Variants in ARID1A observed in about 807,000 individuals in gnomAD.
The protein encoded by ARID1A is AT-rich interactive domain-containing protein 1A.
Under a neutral mutation model 212.6 loss-of-function variants are expected in ARID1A, and 20 were observed. The ratio of observed to expected loss-of-function variants is 0.09; its 90% CI spans 0.07 to 0.14. The LOEUF (loss-of-function observed/expected upper bound fraction) is 0.14. Among genes scored for constraint, ARID1A ranks in the 10% least tolerant of loss-of-function variants. ARID1A has a pLI of 1.00. For synonymous variants in ARID1A, 1,376 were observed against 1,222.1 expected (o/e 1.13, Z -2.63); for missense variants, 2,587 against 3,059.0 (o/e 0.85, Z 3.64).
At chr1:26,721,274 C>T (rs985561493) in intron 1 of ARID1A, among the ~76,000 whole-genome samples, 4 of 152,064 alleles carry the variant, frequency 2.6e-5, no homozygotes, top group Admixed American at 2.0e-4. Context: ...TGCAGTGGTG[C>T]GATCTCGGCT....
In ARID1A at chr1:26,779,643, G is replaced by T. The variant is rs767902770; in HGVS notation, c.5745G>T (p.Leu1915Phe). The change falls in exon 20 of 20, where the codon TTG becomes TTT. Residue 1915 changes from leucine (L) to phenylalanine (F), a missense_variant. By Grantham distance (22) the Leu-to-Phe change is conservative. Around this residue, in one of 11 missense-constraint regions of ARID1A, gnomAD observed 890 missense variants for 1,098.2 expected, o/e 0.81. Coordinates refer to ENST00000324856, the MANE Select transcript of ARID1A (RefSeq NM_006015.6). ...TCACAGCCACTATGGATGACATGTT[G>T]TCTACTCGGTCTAGCACCTTGACCG... ...KRITATMDDM[L>F]STRSSTLTED... 3.7e-6 allele frequency: 6 copies of T among 1,614,110 alleles called. No individual in the cohort carries two copies. The highest frequency in any genetic ancestry group is 1.3e-5 in the African/African-American group (1 of 74,994).
At chr1:26,752,208 G>A (rs1327973059) in intron 4 of ARID1A, among the ~76,000 whole-genome samples, 2 of 152,158 alleles carry the variant, frequency 1.3e-5, no homozygotes, top group African/African-American at 2.4e-5. Context: ...AATTACCACC[G>A]GGTGTGAAAG....
chr1:26,779,421 G>C lies in ARID1A; in HGVS notation c.5523G>C (p.Leu1841=), dbSNP rs2081169130. The C allele has an allele frequency of 2.5e-6, 4 of 1,614,186 alleles. No homozygotes were observed. The highest frequency in any genetic ancestry group is 3.4e-6 in the Non-Finnish European group (4 of 1,180,046). Reference sequence around the variant, plus strand: ...GTGTGCAGGAGTTTGACAGTGGCCTGCTGCACTGGCGGATTGGTGGGGGGG... The same window carrying C: ...GTGTGCAGGAGTTTGACAGTGGCCTCCTGCACTGGCGGATTGGTGGGGGGG... ...LGRVQEFDSG[L]LHWRIGGGDT... The change falls in exon 20 of 20, where the codon CTG becomes CTC. Residue 1841 remains leucine, a synonymous_variant. Transcript: ENST00000324856.
At chr1:26,759,454 C>T (rs746455131) in intron 4 of ARID1A, among the ~76,000 whole-genome samples, 5 of 152,214 alleles carry the variant, frequency 3.3e-5, no homozygotes, top group Middle Eastern at 3.4e-3. Flanking sequence ...GTGATCTGCC[C>T]GCCTCGGCCT....
chr1:26,761,146 G>GTAATATTA, intron 5 of ARID1A, 50 bp downstream of exon 5: 2 of 1,599,342 alleles, frequency 1.3e-6, no homozygotes, highest in South Asian at 2.2e-5. Flanking sequence ...ACTGCCCCCA[G>GTAATATTA]TAATATTAAG....
In ARID1A at chr1:26,780,400, G is replaced by A. The variant is rs1373585145; in HGVS notation, c.6502G>A (p.Val2168Met). The A allele has an allele frequency of 6.2e-7, 1 of 1,614,252 alleles. No homozygotes were observed. The highest frequency in any genetic ancestry group is 8.5e-7 in the Non-Finnish European group (1 of 1,180,042). The change falls in exon 20 of 20, where the codon GTG becomes ATG. Residue 2168 changes from valine to methionine, a missense_variant. Coordinates refer to ENST00000324856, the MANE Select transcript of ARID1A (RefSeq NM_006015.6). This position sits in a 1 kb window ranked among gnomAD's most constrained non-coding sequence, Gnocchi z 7.2. Reference sequence around the variant, plus strand: ...GAACCCGGTGTGCCGGGAGATGGCTGTGGTACTGCTGGCCAACCTGGCTCA... The same window carrying A: ...GAACCCGGTGTGCCGGGAGATGGCTATGGTACTGCTGGCCAACCTGGCTCA... ...RKNPVCREMA[V>M]VLLANLAQGD...
In ARID1A at chr1:26,696,885, TCGC is replaced by T. The variant is rs759913677; in HGVS notation, c.492_494del (p.Ala167del). ...CCCTACGGCCGGAGCCCGTCTGCCG[TCGC>T]CGCCGCCGCGGCCGCCGTCTTCCAC... On this transcript the variant is annotated inframe_deletion, in exon 1 of 20. Transcript: ENST00000324856. 2.3e-5 allele frequency: 31 copies of T among 1,348,438 alleles called. No homozygotes were observed. Among genetic ancestry groups the T allele is most frequent in the South Asian group, 1.2e-4 (6 of 51,766 alleles). The allele number at this position is 1,348,438 out of a possible 1,614,324, so 83.5% of individuals were successfully genotyped here.
At chr1:26,766,190 T>C (rs2124078835) in intron 8 of ARID1A, 31 bp from the exon 9 acceptor site, 2 of 1,607,478 alleles carry the variant, frequency 1.2e-6, no homozygotes, top group Non-Finnish European at 1.7e-6. Context: ...GTCTAACCTT[T>C]GTCTCTCTCA....
chr1:26,715,935 G>C (rs190990411), intron 1 of ARID1A, among the ~76,000 whole-genome samples: 1 of 151,898 alleles, frequency 6.6e-6, no homozygotes, highest in Non-Finnish European at 1.5e-5. Context: ...GGCTGGGCGC[G>C]GTGGCTCACG....
intron 4 of ARID1A, among the ~76,000 whole-genome samples, chr1:26,758,772 C>G (rs1442157786): frequency 3.3e-5 from 5 of 152,210 alleles, no homozygotes; most frequent in African/African-American, 7.2e-5. Context: ...TGAAATCATT[C>G]TATGCTGGAA....
At chr1:26,770,869 T>C in intron 11 of ARID1A, 1 of 494,488 alleles carries the variant, frequency 2.0e-6, no homozygotes, top group Non-Finnish European at 3.6e-6. Flanking sequence ...CCAGTAGTAA[T>C]GTGAAATTTG....
chr1:26,767,764 T>C (rs2081051772), intron 10 of ARID1A, 26 bp from the exon 11 acceptor site: 5 of 1,580,408 alleles, frequency 3.2e-6, no homozygotes, highest in Non-Finnish European at 3.5e-6. Context: ...GACCCATTCC[T>C]ATGAATTTTG....
chr1:26,730,797 G>A (rs1467898038), intron 2 of ARID1A, among the ~76,000 whole-genome samples: 2 of 152,204 alleles, frequency 1.3e-5, no homozygotes, highest in African/African-American at 2.4e-5. Flanking sequence ...ACTATTCATT[G>A]TGGTTAGGGT....
chr1:26,739,493 C>CCT (rs1324053039), intron 4 of ARID1A, among the ~76,000 whole-genome samples: 1 of 152,036 alleles, frequency 6.6e-6, no homozygotes, highest in Non-Finnish European at 1.5e-5. Flanking sequence ...AGTAGGTAGT[C>CCT]ACCTTTAAGG....
chr1:26,697,147 C>T lies in ARID1A; in HGVS notation c.744C>T (p.Gly248=), dbSNP rs1274776569. ...GCTCCGGCGCGGCGGCGGCTGCCGG[C>T]TCCAAGCCGCCTCCCTCCTCCAGCG... ...TPGSGAAAAA[G]SKPPPSSSAS... Residue 248 remains glycine, a synonymous_variant, in exon 1 of 20, where the codon GGC becomes GGT. Transcript: ENST00000324856. The T allele has an allele frequency of 1.4e-6, 2 of 1,442,364 alleles. No individual in the cohort carries two copies. Among genetic ancestry groups the T allele is most frequent in the Non-Finnish European group, 9.1e-7 (1 of 1,100,826 alleles). 89.3% of individuals were successfully genotyped at this position (1,442,364 alleles called of 1,614,324 possible). A position where few individuals can be genotyped will look rare whatever the true frequency, so the allele number is the denominator to read the frequency against.
At chr1:26,714,316 T>A (rs886856798) in intron 1 of ARID1A, among the ~76,000 whole-genome samples, 4 of 152,212 alleles carry the variant, frequency 2.6e-5, no homozygotes, top group African/African-American at 9.7e-5. Flanking sequence ...TGAGAAGAAC[T>A]GTAGAATTTG....
rs2124081599 is a variant in ARID1A, at chr1:26,766,495, G to A, written c.2917G>A (p.Val973Ile). The change falls in exon 10 of 20, where the codon GTA (valine) becomes ATA (isoleucine). Residue 973 changes from valine (V) to isoleucine (I), a missense_variant. Val to Ile is a conservative substitution (Grantham distance 29). Transcript: ENST00000324856. ...ASPEMMGLGD[V>I]KLTPATKMNN... ...CCCAGAGATGATGGGCCTTGGGGATGTAAAGTTAACTCCAGCCACCAAAAT... is the reference window on the plus strand; with the variant it reads ...CCCAGAGATGATGGGCCTTGGGGATATAAAGTTAACTCCAGCCACCAAAAT... 1.9e-6 allele frequency: 3 copies of A among 1,614,140 alleles called. No homozygotes were observed. The highest frequency in any genetic ancestry group is 3.3e-4 in the Middle Eastern group (2 of 6,062).
Position 26,696,018 on chromosome 1 carries a change from CT to C in ARID1A, c.-383del. On this transcript the variant is annotated 5_prime_UTR_variant, in exon 1 of 20. Transcript: ENST00000324856. ...CGCCTCCCTCCCTCCCTCCCTCCTC[CT>C]TTCTCCGGCAGCAGAAAGCGGAGAG... The C allele has an allele frequency of 1.2e-6, 1 of 862,034 alleles. No individual in the cohort carries two copies. The highest frequency in any genetic ancestry group is 1.8e-5 in the African/African-American group (1 of 54,954). The allele number at this position is 862,034 out of a possible 1,614,324, so 53.4% of individuals were successfully genotyped here.
intron 4 of ARID1A, among the ~76,000 whole-genome samples, chr1:26,737,316 C>T (rs1043004910): frequency 3.3e-5 from 5 of 152,186 alleles, no homozygotes; most frequent in East Asian, 1.9e-4. Context: ...TGGGGTTTCA[C>T]GATGTTGCCC....
Sources: allele counts gnomAD v4.1 joint callset (sites outside exome capture counted in the v4.1 genomes callset), GRCh38; gene constraint gnomAD v4.1.1; regional missense constraint gnomAD v4.1.1; non-coding constraint Gnocchi (gnomAD v3.1); transcripts MANE v1.5; gene names NCBI Gene and HGNC (gene_info 2026-07-23, HGNC 2026-07-21).